Variants in DNER observed in about 807,000 individuals in gnomAD.
DNER encodes delta/notch like EGF repeat containing.
In DNER, 33 loss-of-function variants were observed where a neutral mutation model predicts 78.2. The observed-to-expected ratio is 0.42, with a 90% CI of 0.32 to 0.56. The LOEUF is 0.56. DNER is among the 20% of genes least tolerant of loss of function. DNER has a pLI of 0.11. For missense variants in DNER, 918 were observed against 975.3 expected (o/e 0.94, Z 0.78); for synonymous variants, 417 against 384.8 (o/e 1.08, Z -0.98).
rs545539782 is a variant in DNER at position 229,429,662 on chromosome 2, G to A, written c.1487-11432C>T. On this transcript the variant is annotated intron_variant, in intron 8 of 12. Transcript: ENST00000341772. ...AAGGACGCCATTACCCTGAGCCATA[G>A]TTTCACATGGTCAGCAAAGACCGCT... 3.9e-5 allele frequency among the ~76,000 whole-genome samples: 6 copies of A among 152,288 alleles called. No individual in the cohort carries two copies. In the East Asian group the frequency reaches 1.2e-3, roughly 29 times the overall value.
intron 8 of DNER, among the ~76,000 whole-genome samples, chr2:229,440,852 G>A (rs765764120): frequency 8.5e-5 from 13 of 152,140 alleles, no homozygotes; most frequent in Admixed American, 6.5e-5. Flanking sequence ...TCACATAAAC[G>A]TTTAACCCAT....
chr2:229,698,716 G>A (rs1699698699), intron 1 of DNER, among the ~76,000 whole-genome samples: 1 of 151,668 alleles, frequency 6.6e-6, no homozygotes, highest in Non-Finnish European at 1.5e-5. Flanking sequence ...ACTCTCCCTT[G>A]GTAAAATAAA....
intron 6 of DNER, among the ~76,000 whole-genome samples, chr2:229,503,796 T>C (rs551846214): frequency 1.4e-4 from 21 of 152,300 alleles, no homozygotes; most frequent in South Asian, 1.0e-3. Flanking sequence ...GGGTTGAATA[T>C]AGTAGCACTA....
At chr2:229,542,357 A>T (rs887716362) in intron 5 of DNER, among the ~76,000 whole-genome samples, 5 of 152,154 alleles carry the variant, frequency 3.3e-5, no homozygotes, top group African/African-American at 1.2e-4. Flanking sequence ...CCTTCCCCCA[A>T]ATACTGCAAT....
At chr2:229,532,650 G>A (rs1227850005) in intron 5 of DNER, among the ~76,000 whole-genome samples, 2 of 152,198 alleles carry the variant, frequency 1.3e-5, no homozygotes, top group African/African-American at 2.4e-5. Context: ...ATGAAGCCCA[G>A]GGAAGCCGAC....
intron 1 of DNER, among the ~76,000 whole-genome samples, chr2:229,671,585 T>C (rs1453571945): frequency 6.6e-6 from 1 of 152,240 alleles, no homozygotes; most frequent in Non-Finnish European, 1.5e-5. Flanking sequence ...TTTTGTTCAC[T>C]GTCCTATGCC....
chr2:229,488,151 G>A (rs1043787781), intron 6 of DNER, among the ~76,000 whole-genome samples: 9 of 152,218 alleles, frequency 5.9e-5, no homozygotes, highest in African/African-American at 2.2e-4. Context: ...TCGAAACTGG[G>A]TGTGGGATGG....
At chr2:229,678,136 A>G (rs1448675964) in intron 1 of DNER, among the ~76,000 whole-genome samples, 1 of 152,218 alleles carries the variant, frequency 6.6e-6, no homozygotes. Flanking sequence ...ATCCGAAACC[A>G]TGCATGGCAG....
intron 1 of DNER, among the ~76,000 whole-genome samples, chr2:229,652,922 G>C (rs1345800590): frequency 6.6e-6 from 1 of 152,210 alleles, no homozygotes; most frequent in African/African-American, 2.4e-5. Context: ...GGCGGCATGG[G>C]TAGTATGTTA....
intron 10 of DNER, among the ~76,000 whole-genome samples, chr2:229,395,264 G>A (rs986591688): frequency 6.6e-6 from 1 of 152,200 alleles, no homozygotes; most frequent in Non-Finnish European, 1.5e-5. Context: ...ATTACTACAA[G>A]GGGATACTCA....
At position 229,623,351 on chromosome 2, in the gene DNER, C is replaced by T. The variant is rs952239930; in HGVS notation, c.277-31463G>A. Among the ~76,000 whole-genome samples, 9 of 152,258 alleles carry T rather than the reference C, an allele frequency of 5.9e-5. No individual in the cohort carries two copies. In the South Asian group the frequency reaches 8.3e-4, roughly 14 times the overall value. Reference sequence around the variant, plus strand: ...CTTCTTTGCAACTTACCTTAGCTTCCGCCATGCTGCCTGGCCATTTCCCCT... The same window carrying T: ...CTTCTTTGCAACTTACCTTAGCTTCTGCCATGCTGCCTGGCCATTTCCCCT... On this transcript the variant is annotated intron_variant, in intron 1 of 12. Transcript: ENST00000341772.
At chr2:229,667,839 C>T (rs1218669020) in intron 1 of DNER, among the ~76,000 whole-genome samples, 4 of 152,124 alleles carry the variant, frequency 2.6e-5, no homozygotes, top group Non-Finnish European at 4.4e-5. Context: ...TGGACAACAG[C>T]AAGGAGTGAT....
chr2:229,562,058 C>T (rs972560559), intron 4 of DNER, among the ~76,000 whole-genome samples: 1 of 152,158 alleles, frequency 6.6e-6, no homozygotes, highest in South Asian at 2.1e-4. Flanking sequence ...CGGTCCTAGA[C>T]CAACTACCTC....
chr2:229,648,882 G>T (rs1455056305), intron 1 of DNER, among the ~76,000 whole-genome samples: 3 of 152,148 alleles, frequency 2.0e-5, no homozygotes, highest in Non-Finnish European at 4.4e-5. Flanking sequence ...TATATTCACT[G>T]TTCCAAACCT....
At chr2:229,359,842 G>A (rs1692174272) in intron 12 of DNER, among the ~76,000 whole-genome samples, 2 of 152,110 alleles carry the variant, frequency 1.3e-5, no homozygotes, top group African/African-American at 4.8e-5. Flanking sequence ...AATTTTACTG[G>A]CCTTGAAGAG....
intron 6 of DNER, among the ~76,000 whole-genome samples, chr2:229,499,931 CTTTT>C (rs58019962): frequency 7.4e-6 from 1 of 134,808 alleles, no homozygotes; most frequent in African/African-American, 2.7e-5. Context: ...GACTTTCTTT[CTTTT>C]TTTTTTTTTT....
chr2:229,433,001 G>T (rs769216587), intron 8 of DNER, among the ~76,000 whole-genome samples: 1 of 152,080 alleles, frequency 6.6e-6, no homozygotes, highest in Non-Finnish European at 1.5e-5. Flanking sequence ...GTGCAAAGGC[G>T]CAATCTAGGG....
At chr2:229,498,535 G>T (rs1181967777) in intron 6 of DNER, among the ~76,000 whole-genome samples, 1 of 152,042 alleles carries the variant, frequency 6.6e-6, no homozygotes, top group Non-Finnish European at 1.5e-5. Flanking sequence ...CCCACAAAAG[G>T]ACTGCTACAA....
intron 11 of DNER, among the ~76,000 whole-genome samples, chr2:229,368,020 T>C (rs1021505413): frequency 1.2e-4 from 19 of 152,206 alleles, no homozygotes; most frequent in Admixed American, 5.2e-4. Flanking sequence ...ATAATGTTAA[T>C]ATTTTACCAT....
Sources: gnomAD v4.1 joint callset for allele counts (sites outside exome capture counted in the v4.1 genomes callset) on GRCh38, gnomAD v4.1.1 for gene constraint, MANE v1.5 for transcripts, NCBI Gene and HGNC (gene_info 2026-07-23, HGNC 2026-07-21) for gene names.